Variants in THEM6 observed in about 807,000 individuals in gnomAD.
THEM6 encodes thioesterase superfamily member 6, also known as protein THEM6.
Under a neutral mutation model 13.7 loss-of-function variants are expected in THEM6, and 10 were observed. The observed-to-expected ratio is 0.73, with a 90% CI of 0.45 to 1.24. THEM6 has a LOEUF of 1.24. THEM6 is among the 50% of genes most tolerant of loss of function. The pLI is 0.00. For missense variants in THEM6, 317 were observed against 312.6 expected, an observed-to-expected ratio of 1.01 and a Z score of -0.11; for synonymous variants, 161 against 156.0, an observed-to-expected ratio of 1.03 and a Z score of -0.24.
At chr8:142,732,161 AATATATATATATATATAT>A (rs59428096) in intron 1 of THEM6, among the ~76,000 whole-genome samples, 644 of 37,254 alleles carry the variant, frequency 0.017, 27 homozygotes, top group Middle Eastern at 0.032. Context: ...GGGAGTTTTG[AATATATATATATATATAT>A]ATATATATAT....
intron 1 of THEM6, among the ~76,000 whole-genome samples, chr8:142,729,041 G>A (rs1255389232): frequency 4.9e-5 from 7 of 143,272 alleles, no homozygotes; most frequent in Admixed American, 4.5e-4. Context: ...CCGGGTTCAC[G>A]CCATTCTCCT....
intron 1 of THEM6, among the ~76,000 whole-genome samples, chr8:142,728,127 C>T (rs1815555582): frequency 6.6e-6 from 1 of 152,226 alleles, no homozygotes; most frequent in African/African-American, 2.4e-5. Flanking sequence ...ATTTCTTAAC[C>T]TGGCCCCTCA....
At chr8:142,732,609 G>T (rs1171472760) in intron 1 of THEM6, among the ~76,000 whole-genome samples, 1 of 151,966 alleles carries the variant, frequency 6.6e-6, no homozygotes, top group Non-Finnish European at 1.5e-5. Context: ...CACCACCAAG[G>T]AAGTACTTTA....
Position 142,735,376 on chromosome 8 carries a change from C to T in THEM6, c.564C>T (p.Asn188=), listed in dbSNP as rs775156752. ...PADLQHWISY[N]EASSQLLRME... ...ATCTGCAGCACTGGATCTCCTACAA[C>T]GAGGCCAGCAGCCAGCTGCTCCGCA... The change falls in exon 2 of 2, where the codon AAC becomes AAT. Residue 188 remains asparagine (N), a synonymous_variant. Transcript: ENST00000336138. 43 of 1,581,596 alleles carry T rather than the reference C, an allele frequency of 2.7e-5. No homozygotes were observed. The highest frequency in any genetic ancestry group is 5.4e-5 in the Admixed American group (3 of 55,808).
chr8:142,731,657 T>G (rs782670231), intron 1 of THEM6, among the ~76,000 whole-genome samples: 1 of 152,202 alleles, frequency 6.6e-6, no homozygotes, highest in Non-Finnish European at 1.5e-5. Flanking sequence ...TTTCTGTCTC[T>G]TCTCTCTCTT....
chr8:142,727,524 G>T lies in THEM6; in HGVS notation c.178G>T (p.Asp60Tyr). ...GGGCCGCGTGCTGCCCTCGGACTTG[G>T]ACCTGCTGCTGCACATGAACAACGC... The part of the protein sequence containing the change: ...FPGRVLPSDL[D>Y]LLLHMNNARY... The change falls in exon 1 of 2, where the codon GAC (aspartate) becomes TAC (tyrosine). Residue 60 changes from aspartate (D) to tyrosine (Y), a missense_variant. Asp to Tyr is a radical substitution (Grantham distance 160). Coordinates refer to ENST00000336138, the MANE Select transcript of THEM6 (RefSeq NM_016647.3). 6.3e-7 allele frequency: 1 copy of T among 1,579,500 alleles called. No individual in the cohort carries two copies.
rs587605281 is a variant in THEM6, at chr8:142,727,227, C to G, written c.-120C>G. The G allele has an allele frequency of 9.2e-6, 10 of 1,082,448 alleles. No homozygotes were observed. The highest frequency in any genetic ancestry group is 1.2e-5 in the Non-Finnish European group (10 of 818,540). The allele number at this position is 1,082,448 out of a possible 1,614,324, so 67.1% of individuals were successfully genotyped here. A position where few individuals can be genotyped will look rare whatever the true frequency, so the allele number is the denominator to read the frequency against. ...CCTCGGCCGCCCTCGCGCTGTGGTT[C>G]GCTCCGGGCGCGCTGCGCTCGTGAG... On this transcript the variant is annotated 5_prime_UTR_variant, in exon 1 of 2. Transcript: ENST00000336138.
intron 1 of THEM6, chr8:142,735,030 C>A: frequency 5.2e-6 from 2 of 384,958 alleles, no homozygotes; most frequent in South Asian, 3.6e-5. Context: ...TGTCCCCTGT[C>A]ACCCTGAGGC....
chr8:142,728,640 C>T (rs1477568308), intron 1 of THEM6, among the ~76,000 whole-genome samples: 1 of 152,216 alleles, frequency 6.6e-6, no homozygotes, highest in East Asian at 1.9e-4. Flanking sequence ...TCATCTCAGT[C>T]CTGATGTTAC....
rs1446555752 is a variant in THEM6 at position 142,736,085 on chromosome 8, T to TCCTCC, written c.*646_*647insCCTCC. 10 of 152,520 alleles carry TCCTCC rather than the reference T, an allele frequency of 6.6e-5. No individual in the cohort carries two copies. Among genetic ancestry groups the TCCTCC allele is most frequent in the Non-Finnish European group, 1.5e-4 (10 of 68,222 alleles). The allele number at this position is 152,520 out of a possible 1,614,324, so 9.4% of individuals were successfully genotyped here. On this transcript the variant is annotated 3_prime_UTR_variant, in exon 2 of 2. Transcript: ENST00000336138. ...TCGGCCTTGCCTCCTCCTCCTCCTC[T>TCCTCC]ACCTCCAGTCAGGCTGGACGGGAGG...
Position 142,731,996 on chromosome 8 carries a change from TC to T in THEM6, c.514-3328del, listed in dbSNP as rs368289509. On this transcript the variant is annotated intron_variant, in intron 1 of 1. Transcript: ENST00000336138. ...GTTTTTGCTTTCTTTTTTTCTGACT[TC>T]CTCTCCTAGTTCTTTTTCCTGTCTG... is the stretch of plus-strand genomic sequence containing the variant. Among the ~76,000 whole-genome samples, 103 of 151,050 alleles carry T rather than the reference TC, an allele frequency of 6.8e-4. 3 individuals are homozygous for T. The East Asian group carries it at 0.019, about 28-fold the overall frequency.
chr8:142,727,590 C>G lies in THEM6; in HGVS notation c.244C>G (p.Leu82Val). Residue 82 changes from leucine (L) to valine (V), a missense_variant, in exon 1 of 2, where the codon CTG (leucine) becomes GTG (valine). Coordinates refer to ENST00000336138, the MANE Select transcript of THEM6 (RefSeq NM_016647.3). ...GGCCGACTTTGCGCGCGTCGCGCAC[C>G]TGACCCGCTGCGGGGTGCTCGGGGC... is the stretch of plus-strand genomic sequence containing the variant. ...READFARVAH[L>V]TRCGVLGALR... 6.6e-7 allele frequency: 1 copy of G among 1,521,336 alleles called. No individual in the cohort carries two copies. Among genetic ancestry groups the G allele is most frequent in the Non-Finnish European group, 8.8e-7 (1 of 1,141,928 alleles). The allele number at this position is 1,521,336 out of a possible 1,614,324, so 94.2% of individuals were successfully genotyped here.
chr8:142,736,350 C>T lies in THEM6; in HGVS notation c.*911C>T, dbSNP rs1815767164. 6.6e-6 allele frequency: 1 copy of T among 152,494 alleles called. No homozygotes were observed. The highest frequency in any genetic ancestry group is 1.5e-5 in the Non-Finnish European group (1 of 68,270). The allele number at this position is 152,494 out of a possible 1,614,324, so 9.4% of individuals were successfully genotyped here. A position where few individuals can be genotyped will look rare whatever the true frequency, so the allele number is the denominator to read the frequency against. ...GCCGCTGTACCCCCTTAGAGCTGCC[C>T]CTCTCTGGCCTGGCCGGCAGGCGTC... On this transcript the variant is annotated 3_prime_UTR_variant, in exon 2 of 2. Transcript: ENST00000336138.
rs901181644 is a variant in THEM6, at chr8:142,727,589, C to T, written c.243C>T (p.His81=). ...LREADFARVA[H]LTRCGVLGAL... is the part of the protein sequence containing the mutation. ...AGGCCGACTTTGCGCGCGTCGCGCA[C>T]CTGACCCGCTGCGGGGTGCTCGGGG... Residue 81 remains histidine (H), a synonymous_variant, in exon 1 of 2, where the codon CAC becomes CAT. Transcript: ENST00000336138. 1 of 1,522,758 alleles carries T rather than the reference C, an allele frequency of 6.6e-7. No individual in the cohort carries two copies. Among genetic ancestry groups the T allele is most frequent in the Non-Finnish European group, 8.8e-7 (1 of 1,142,682 alleles). The allele number at this position is 1,522,758 out of a possible 1,614,324, so 94.3% of individuals were successfully genotyped here. A position where few individuals can be genotyped will look rare whatever the true frequency, so the allele number is the denominator to read the frequency against.
At chr8:142,733,562 C>A (rs1222447384) in intron 1 of THEM6, among the ~76,000 whole-genome samples, 1 of 152,170 alleles carries the variant, frequency 6.6e-6, no homozygotes, top group Non-Finnish European at 1.5e-5. Context: ...AAAATGGAGT[C>A]GCTCTGGTTC....
At position 142,735,717 on chromosome 8, in the gene THEM6, C is replaced by G. The variant is rs1160035540; in HGVS notation, c.*278C>G. On this transcript the variant is annotated 3_prime_UTR_variant, in exon 2 of 2. Coordinates refer to ENST00000336138, the MANE Select transcript of THEM6 (RefSeq NM_016647.3). ...AGTCCTGCCTGGCCCTACGATGAGG[C>G]CACTCATGTGGGCCTAGGTAGGGGA... 5 of 440,332 alleles carry G rather than the reference C, an allele frequency of 1.1e-5. No individual in the cohort carries two copies. The highest frequency in any genetic ancestry group is 2.0e-5 in the African/African-American group (1 of 50,578). 27.3% of individuals were successfully genotyped at this position (440,332 alleles called of 1,614,324 possible).
chr8:142,729,693 TAG>T (rs587700545), intron 1 of THEM6, among the ~76,000 whole-genome samples: 212 of 152,234 alleles, frequency 1.4e-3, no homozygotes, highest in African/African-American at 5.1e-3. Context: ...GGTCTAGAGT[TAG>T]TTAAGGTGGA....
chr8:142,732,733 T>C (rs1815679486), intron 1 of THEM6, among the ~76,000 whole-genome samples: 1 of 145,892 alleles, frequency 6.9e-6, no homozygotes, highest in South Asian at 2.2e-4. Context: ...TTTTTCTGCA[T>C]TGCTGAGAGT....
In THEM6 at chr8:142,729,432, G is replaced by A. The variant is rs587753549; in HGVS notation, c.513+1573G>A. Among the ~76,000 whole-genome samples the A allele has an allele frequency of 1.3e-4, 20 of 152,082 alleles. No homozygotes were observed. In the South Asian group the frequency reaches 3.5e-3, roughly 27 times the overall value. On this transcript the variant is annotated intron_variant, in intron 1 of 1. Transcript: ENST00000336138. ...AATCGCTTTTATTTAAAGTGCGAAC[G>A]GAATATTTAATCCATTTCAGCCAGG... is the stretch of plus-strand genomic sequence containing the variant.
Sources: gnomAD v4.1 joint callset for allele counts (sites outside exome capture counted in the v4.1 genomes callset) on GRCh38, gnomAD v4.1.1 for gene constraint, MANE v1.5 for transcripts, NCBI Gene and HGNC (gene_info 2026-07-23, HGNC 2026-07-21) for gene names.